Variants in FLI1 observed in about 807,000 individuals in gnomAD.
FLI1 encodes the protein Fli-1 proto-oncogene, ETS transcription factor.
Under a neutral mutation model 53.1 loss-of-function variants are expected in FLI1, and 13 were observed. That is an observed-to-expected ratio of 0.24 (90% CI 0.16 to 0.39). FLI1 has a LOEUF of 0.39. Ranked by LOEUF, FLI1 falls within the 10% of genes least tolerant of loss-of-function variation. The pLI, the probability that FLI1 is intolerant of heterozygous loss-of-function variation, is 1.00. For missense variants in FLI1, 424 were observed against 600.5 expected (o/e 0.71, Z 3.07); for synonymous variants, 244 against 236.7 (o/e 1.03, Z -0.28).
At chr11:128,745,501 A>T (rs1341678714) in intron 1 of FLI1, among the ~76,000 whole-genome samples, 1 of 152,188 alleles carries the variant, frequency 6.6e-6, no homozygotes. Context: ...CAGATGTGCT[A>T]GTTGGAAATA....
intron 5 of FLI1, among the ~76,000 whole-genome samples, chr11:128,791,014 T>C (rs1942254261): frequency 6.6e-6 from 1 of 151,596 alleles, no homozygotes; most frequent in African/African-American, 2.4e-5. Flanking sequence ...CATCCTGGGG[T>C]TTCTTTTAAT....
intron 1 of FLI1, among the ~76,000 whole-genome samples, chr11:128,709,737 C>A (rs914632324): frequency 6.6e-6 from 1 of 152,178 alleles, no homozygotes; most frequent in Non-Finnish European, 1.5e-5. Context: ...TTAAAACATC[C>A]GTCTGGCTGA....
At chr11:128,794,903 C>G (rs1942383919) in intron 5 of FLI1, among the ~76,000 whole-genome samples, 1 of 152,066 alleles carries the variant, frequency 6.6e-6, no homozygotes, top group South Asian at 2.1e-4. Flanking sequence ...TGGGGAGAGT[C>G]AATCTCTACA....
In FLI1 at chr11:128,781,406, A is replaced by C. The variant is rs534407852; in HGVS notation, c.590-552A>C. Among the ~76,000 whole-genome samples, 5 of 152,366 alleles carry C rather than the reference A, an allele frequency of 3.3e-5. No homozygotes were observed. In the East Asian group the frequency reaches 9.6e-4, roughly 29 times the overall value. ...AAGCTGCAGGCCAAATCTGGCCAAAAGTGGCCCATGGACAAAGCAAAACAA... is the reference window on the plus strand; with the variant it reads ...AAGCTGCAGGCCAAATCTGGCCAAACGTGGCCCATGGACAAAGCAAAACAA... On this transcript the variant is annotated intron_variant, in intron 4 of 8. Transcript: ENST00000527786.
At chr11:128,745,843 C>G (rs957254660) in intron 1 of FLI1, among the ~76,000 whole-genome samples, 5 of 152,152 alleles carry the variant, frequency 3.3e-5, no homozygotes, top group Admixed American at 1.3e-4. Flanking sequence ...GGAGTGAAGC[C>G]CCCCCATATG....
chr11:128,781,938 G>A lies in FLI1; in HGVS notation c.590-20G>A. The A allele has an allele frequency of 6.2e-7, 1 of 1,608,374 alleles. No homozygotes were observed. The highest frequency in any genetic ancestry group is 8.5e-7 in the Non-Finnish European group (1 of 1,174,898). Reference sequence around the variant, plus strand: ...CAGAAGAACATTTTGGTTATAACCTGTTTATGTTTTGCCTCTCAGGTTCAC... The same window carrying A: ...CAGAAGAACATTTTGGTTATAACCTATTTATGTTTTGCCTCTCAGGTTCAC... On this transcript the variant is annotated intron_variant, in intron 4 of 8. Coordinates refer to ENST00000527786, the MANE Select transcript of FLI1 (RefSeq NM_002017.5).
At chr11:128,776,993 G>C (rs1402860594) in intron 4 of FLI1, among the ~76,000 whole-genome samples, 1 of 152,212 alleles carries the variant, frequency 6.6e-6, no homozygotes, top group Admixed American at 6.5e-5. Context: ...GTGGCCTCCT[G>C]GAAGGAGGCC....
At chr11:128,768,688 CAAAAAAAAAAA>C (rs34066469) in intron 3 of FLI1, among the ~76,000 whole-genome samples, 8 of 77,778 alleles carry the variant, frequency 1.0e-4, no homozygotes, top group African/African-American at 4.2e-4. Context: ...GACTCTGTCT[CAAAAAAAAAAA>C]AAAAAAAAAA....
intron 2 of FLI1, among the ~76,000 whole-genome samples, chr11:128,766,075 T>C (rs1941329186): frequency 6.6e-6 from 1 of 152,022 alleles, no homozygotes; most frequent in Non-Finnish European, 1.5e-5. Context: ...ATGTGTTCTG[T>C]GTTGGAGTGT....
intron 1 of FLI1, among the ~76,000 whole-genome samples, chr11:128,730,906 A>C (rs1939670441): frequency 1.3e-5 from 2 of 152,218 alleles, no homozygotes; most frequent in Admixed American, 1.3e-4. Context: ...AATCTTTTGC[A>C]AAAGAAAAGG....
chr11:128,775,102 G>A (rs988273462), intron 4 of FLI1, among the ~76,000 whole-genome samples: 1 of 152,192 alleles, frequency 6.6e-6, no homozygotes, highest in African/African-American at 2.4e-5. Flanking sequence ...GAGTGGAGAG[G>A]AGGTGGAATC....
At chr11:128,742,364 C>T (rs1387102156) in intron 1 of FLI1, among the ~76,000 whole-genome samples, 1 of 152,196 alleles carries the variant, frequency 6.6e-6, no homozygotes, top group African/African-American at 2.4e-5. Flanking sequence ...TTAATGAATG[C>T]ATCAGTGAAT....
At chr11:128,739,316 G>T (rs867714478) in intron 1 of FLI1, among the ~76,000 whole-genome samples, 8 of 152,182 alleles carry the variant, frequency 5.3e-5, no homozygotes, top group South Asian at 2.1e-4. Context: ...GGTAGAGGGA[G>T]CAGGAGAAGA....
At chr11:128,739,209 AGCACTT>A (rs1940028324) in intron 1 of FLI1, among the ~76,000 whole-genome samples, 1 of 152,200 alleles carries the variant, frequency 6.6e-6, no homozygotes, top group African/African-American at 2.4e-5. Context: ...GTGGCCCAAT[AGCACTT>A]GCTCCATTCT....
chr11:128,695,573 G>A (rs1938034344), intron 1 of FLI1, among the ~76,000 whole-genome samples: 1 of 152,026 alleles, frequency 6.6e-6, no homozygotes, highest in South Asian at 2.1e-4. Flanking sequence ...TATTTTCTAA[G>A]TTTTTTTTAT....
intron 5 of FLI1, among the ~76,000 whole-genome samples, chr11:128,785,439 T>C (rs1174543040): frequency 6.6e-6 from 1 of 151,224 alleles, no homozygotes; most frequent in African/African-American, 2.4e-5. Flanking sequence ...AGCTACTAGA[T>C]GGCAGAGCAA....
intron 4 of FLI1, 91 bp downstream of exon 4, chr11:128,773,076 G>T: frequency 8.3e-7 from 1 of 1,204,868 alleles, no homozygotes; most frequent in Non-Finnish European, 1.2e-6. Flanking sequence ...TTCGTGTTGG[G>T]CAGATGCCGC....
chr11:128,780,600 A>AAAATAAAT (rs1274918179), intron 4 of FLI1, among the ~76,000 whole-genome samples: 1 of 152,244 alleles, frequency 6.6e-6, no homozygotes, highest in Non-Finnish European at 1.5e-5. Context: ...CGTTTCAAAA[A>AAAATAAAT]AAATAAATAA....
intron 5 of FLI1, among the ~76,000 whole-genome samples, chr11:128,784,361 G>A (rs1291137375): frequency 6.6e-6 from 1 of 151,686 alleles, no homozygotes; most frequent in Admixed American, 6.6e-5. Context: ...TTGTAACACT[G>A]CTGGCTCATT....
Sources: gnomAD v4.1 joint callset for allele counts (sites outside exome capture counted in the v4.1 genomes callset) on GRCh38, gnomAD v4.1.1 for gene constraint, MANE v1.5 for transcripts, NCBI Gene and HGNC (gene_info 2026-07-23, HGNC 2026-07-21) for gene names.